The following MTPN variants were observed in gnomAD, a reference collection of about 807,000 sequenced individuals.
MTPN encodes myotrophin.
A neutral mutation model predicts 13.5 loss-of-function variants in MTPN; 2 were observed. The ratio of observed to expected loss-of-function variants is 0.15; its 90% CI spans 0.06 to 0.47. The LOEUF is 0.47. Ranked by LOEUF, MTPN falls within the 20% of genes least tolerant of loss-of-function variation. MTPN has a pLI of 0.97. For synonymous variants in MTPN, 46 were observed against 51.7 expected (o/e 0.89, Z 0.48); for missense variants, 79 against 137.9 (o/e 0.57, Z 2.14).
intron 1 of MTPN, among the ~76,000 whole-genome samples, chr7:135,971,948 T>G (rs1231085760): frequency 6.6e-6 from 1 of 152,204 alleles, no homozygotes; most frequent in Non-Finnish European, 1.5e-5. Context: ...TATCAGTCAC[T>G]CTTATGGACA....
intron 3 of MTPN, among the ~76,000 whole-genome samples, chr7:135,949,246 T>G (rs1799328158): frequency 6.6e-6 from 1 of 152,182 alleles, no homozygotes; most frequent in Non-Finnish European, 1.5e-5. Flanking sequence ...AGCAAATCTG[T>G]TTTTGATACA....
At position 135,949,768 on chromosome 7, in the gene MTPN, T is replaced by C. The variant is rs73445839; in HGVS notation, c.270+831A>G. On this transcript the variant is annotated intron_variant, in intron 3 of 3. Coordinates refer to ENST00000393085, the MANE Select transcript of MTPN (RefSeq NM_145808.4). ...TAGTTATAATAAAAGCTACTACTTA[T>C]TGAGTGCTTACTATGTATCAGGCAC... 6.0e-3 allele frequency among the ~76,000 whole-genome samples: 915 copies of C among 152,332 alleles called. 14 individuals carry two copies. Among genetic ancestry groups the C allele is most frequent in the African/African-American group, 0.02 (852 of 41,570 alleles).
Position 135,927,704 on chromosome 7 carries a change from T to C in MTPN, c.*2222A>G, listed in dbSNP as rs1798944597. On this transcript the variant is annotated 3_prime_UTR_variant, in exon 4 of 4. Transcript: ENST00000393085. ...GTCAGTCTATTCTATTCTATGTTTA[T>C]ATGTTATTTTCTCAAGCAATCGCTT... 1 of 529,468 alleles carries C rather than the reference T, an allele frequency of 1.9e-6. No homozygotes were observed. The highest frequency in any genetic ancestry group is 3.7e-6 in the Non-Finnish European group (1 of 267,060). The allele number at this position is 529,468 out of a possible 1,614,324, so 32.8% of individuals were successfully genotyped here. A position where few individuals can be genotyped will look rare whatever the true frequency, so the allele number is the denominator to read the frequency against.
chr7:135,969,965 G>A (rs71539484), intron 1 of MTPN, among the ~76,000 whole-genome samples: 8 of 152,194 alleles, frequency 5.3e-5, no homozygotes, highest in Admixed American at 2.6e-4. Flanking sequence ...GGGAACCATC[G>A]GTCTCATGTC....
chr7:135,960,940 CACAGT>C (rs1204529476), intron 1 of MTPN: 1 of 151,788 alleles, frequency 6.6e-6, no homozygotes. Context: ...GGCAAACACA[CACAGT>C]AAACAAACTG....
chr7:135,929,673 A>G lies in MTPN; in HGVS notation c.*253T>C. On this transcript the variant is annotated 3_prime_UTR_variant, in exon 4 of 4. Transcript: ENST00000393085. ...TTGCTCTCCCTTGGGTATAAGGTGT[A>G]TATTTTATTAGAAAGGGAAGAGGCT... is the stretch of plus-strand genomic sequence containing the variant. 2.0e-6 allele frequency: 1 copy of G among 499,572 alleles called. No individual in the cohort carries two copies. Among genetic ancestry groups the G allele is most frequent in the Non-Finnish European group, 3.8e-6 (1 of 264,768 alleles). 30.9% of individuals were successfully genotyped at this position (499,572 alleles called of 1,614,324 possible). A position where few individuals can be genotyped will look rare whatever the true frequency, so the allele number is the denominator to read the frequency against.
chr7:135,958,515 G>GTGTC (rs953621382), intron 1 of MTPN, among the ~76,000 whole-genome samples: 9 of 152,106 alleles, frequency 5.9e-5, no homozygotes, highest in Admixed American at 5.9e-4. Flanking sequence ...ATCCTTGCTT[G>GTGTC]TGTCTGCCCA....
chr7:135,972,205 ACACACGCGCACACGCGCACGCGCGCG>A, intron 1 of MTPN, among the ~76,000 whole-genome samples: 1 of 138,204 alleles, frequency 7.2e-6, no homozygotes, highest in African/African-American at 2.6e-5. Flanking sequence ...GGTTATAAAT[ACACACGCGCACACGCGCACGCGCGCG>A]CACACACACA....
At chr7:135,945,596 T>A (rs1043752116) in intron 3 of MTPN, among the ~76,000 whole-genome samples, 1 of 152,162 alleles carries the variant, frequency 6.6e-6, no homozygotes, top group African/African-American at 2.4e-5. Flanking sequence ...TCTTGTCCCA[T>A]TGGAAGATTT....
chr7:135,943,109 C>A (rs755513056), intron 3 of MTPN, among the ~76,000 whole-genome samples: 4 of 152,112 alleles, frequency 2.6e-5, no homozygotes, highest in Non-Finnish European at 5.9e-5. Context: ...AAGACCAGTC[C>A]TAAAACTTTT....
chr7:135,946,682 T>G (rs576067235), intron 3 of MTPN, among the ~76,000 whole-genome samples: 1 of 152,320 alleles, frequency 6.6e-6, no homozygotes, highest in African/African-American at 2.4e-5. Flanking sequence ...TTAAATATCC[T>G]TTTCATTCCA....
In MTPN at chr7:135,958,846, C is replaced by T. The variant is rs1041423788; in HGVS notation, c.73-7216G>A. ...TCCAATCATCCTTCCCCATCATTCC[C>T]TCAAGGATATCTCTGAAACATTCAA... On this transcript the variant is annotated intron_variant, in intron 1 of 3. Transcript: ENST00000393085. Among the ~76,000 whole-genome samples, 3 of 152,260 alleles carry T rather than the reference C, an allele frequency of 2.0e-5. No individual in the cohort carries two copies. The East Asian group carries it at 5.8e-4, about 29-fold the overall frequency.
At chr7:135,963,587 C>T (rs191356708) in intron 1 of MTPN, among the ~76,000 whole-genome samples, 240 of 152,160 alleles carry the variant, frequency 1.6e-3, no homozygotes, top group African/African-American at 5.6e-3. Flanking sequence ...GAAAGTATAA[C>T]ATCAACCTGC....
intron 1 of MTPN, among the ~76,000 whole-genome samples, chr7:135,971,885 T>G (rs1799698119): frequency 6.6e-6 from 1 of 152,188 alleles, no homozygotes. Flanking sequence ...ATTAGGAACA[T>G]AAATTATAAG....
At chr7:135,975,684 G>A (rs549579086) in intron 1 of MTPN, among the ~76,000 whole-genome samples, 1 of 152,270 alleles carries the variant, frequency 6.6e-6, no homozygotes, top group South Asian at 2.1e-4. Context: ...CCCACCACTG[G>A]TAAGTGTACC....
chr7:135,932,662 A>G (rs1360373550), intron 3 of MTPN: 1 of 152,106 alleles, frequency 6.6e-6, no homozygotes, highest in African/African-American at 2.4e-5. Flanking sequence ...TTTATATCAG[A>G]CAAAAGAAGC....
intron 1 of MTPN, among the ~76,000 whole-genome samples, chr7:135,952,907 C>T (rs561648134): frequency 2.6e-4 from 40 of 152,230 alleles, no homozygotes; most frequent in Non-Finnish European, 4.1e-4. Flanking sequence ...TGCAGTGAGC[C>T]ATGACCCTGC....
intron 1 of MTPN, among the ~76,000 whole-genome samples, chr7:135,971,251 G>A (rs1373672253): frequency 6.6e-6 from 1 of 152,104 alleles, no homozygotes; most frequent in African/African-American, 2.4e-5. Flanking sequence ...CACAGCAAGT[G>A]AAATAGAAGT....
intron 1 of MTPN, among the ~76,000 whole-genome samples, chr7:135,969,903 A>G (rs1182252767): frequency 6.6e-6 from 1 of 152,250 alleles, no homozygotes; most frequent in African/African-American, 2.4e-5. Context: ...TCACCTATCC[A>G]AATGGCAAAA....
Sources: allele counts gnomAD v4.1 joint callset (sites outside exome capture counted in the v4.1 genomes callset), GRCh38; gene constraint gnomAD v4.1.1; transcripts MANE v1.5; gene names NCBI Gene and HGNC (gene_info 2026-07-23, HGNC 2026-07-21).